The following CD28 variants were observed in gnomAD, a reference collection of about 807,000 sequenced individuals.
CD28 encodes the protein T-cell-specific surface glycoprotein CD28.
A neutral mutation model predicts 21.4 loss-of-function variants in CD28; 8 were observed. The ratio of observed to expected loss-of-function variants is 0.37; its 90% CI spans 0.22 to 0.68. CD28 has a LOEUF of 0.68. CD28 is among the 30% of genes least tolerant of loss of function. The pLI, the probability that CD28 is intolerant of heterozygous loss-of-function variation, is 0.55. For missense variants in CD28, 239 were observed against 272.2 expected (o/e 0.88, Z 0.86); for synonymous variants, 106 against 104.0 (o/e 1.02, Z -0.12).
At chr2:203,718,313 G>T (rs1331648246) in intron 1 of CD28, among the ~76,000 whole-genome samples, 1 of 152,132 alleles carries the variant, frequency 6.6e-6, no homozygotes, top group Non-Finnish European at 1.5e-5. Context: ...AGATGGTCAC[G>T]TGTTGAAGGG....
At chr2:203,711,926 T>G (rs1693324312) in intron 1 of CD28, among the ~76,000 whole-genome samples, 1 of 152,194 alleles carries the variant, frequency 6.6e-6, no homozygotes, top group Admixed American at 6.5e-5. Context: ...ATATGGTGCC[T>G]CACACCTGTA....
chr2:203,733,664 G>C (rs1347825316), intron 3 of CD28, among the ~76,000 whole-genome samples: 1 of 152,002 alleles, frequency 6.6e-6, no homozygotes, highest in Admixed American at 6.6e-5. Context: ...GGGAAGGAGT[G>C]ACAAGACAGG....
chr2:203,723,224 A>G (rs1477686653), intron 1 of CD28, among the ~76,000 whole-genome samples: 1 of 152,200 alleles, frequency 6.6e-6, no homozygotes, highest in African/African-American at 2.4e-5. Context: ...TACAAATCAC[A>G]TATCTGATAA....
At chr2:203,724,285 A>G (rs1217121692) in intron 1 of CD28, among the ~76,000 whole-genome samples, 8 of 152,172 alleles carry the variant, frequency 5.3e-5, no homozygotes, top group Non-Finnish European at 1.2e-4. Flanking sequence ...AGTAATGAAA[A>G]TGTTCTGGAA....
intron 3 of CD28, among the ~76,000 whole-genome samples, chr2:203,730,517 C>T (rs556821237): frequency 1.3e-5 from 2 of 152,272 alleles, no homozygotes; most frequent in South Asian, 4.1e-4. Flanking sequence ...TACTCAGAAA[C>T]TTCTTAGGTA....
chr2:203,711,290 A>T (rs553677308), intron 1 of CD28, among the ~76,000 whole-genome samples: 2 of 152,204 alleles, frequency 1.3e-5, no homozygotes, highest in Non-Finnish European at 2.9e-5. Context: ...GACTCCAAAC[A>T]CTAGAAGAGA....
At chr2:203,716,044 A>T (rs1213339952) in intron 1 of CD28, among the ~76,000 whole-genome samples, 1 of 152,182 alleles carries the variant, frequency 6.6e-6, no homozygotes, top group Non-Finnish European at 1.5e-5. Context: ...AGCAGCATGT[A>T]CCACAACATT....
chr2:203,727,830 C>T (rs961158124), intron 2 of CD28, among the ~76,000 whole-genome samples: 4 of 152,194 alleles, frequency 2.6e-5, no homozygotes, highest in Non-Finnish European at 5.9e-5. Flanking sequence ...CAGGTACCTG[C>T]CACCATGCCC....
Position 203,719,186 on chromosome 2 carries a change from A to G in CD28, c.53-7447A>G, listed in dbSNP as rs547943992. 2.6e-5 allele frequency among the ~76,000 whole-genome samples: 4 copies of G among 152,362 alleles called. No homozygotes were observed. The East Asian group carries it at 7.7e-4, about 29-fold the overall frequency. Reference sequence around the variant, plus strand: ...TCCTAGATGTCTAAATAAATAAATTACATCTTAGCTCTTCCATTATTTGTG... The same window carrying G: ...TCCTAGATGTCTAAATAAATAAATTGCATCTTAGCTCTTCCATTATTTGTG... On this transcript the variant is annotated intron_variant, in intron 1 of 3. Transcript: ENST00000324106.
Position 203,738,535 on chromosome 2 carries a change from A to C in CD28, c.*3623A>C, listed in dbSNP as rs1164371542. 6.6e-6 allele frequency: 1 copy of C among 152,164 alleles called. No homozygotes were observed. The highest frequency in any genetic ancestry group is 1.9e-4 in the East Asian group (1 of 5,200). The allele number at this position is 152,164 out of a possible 1,614,324, so 9.4% of individuals were successfully genotyped here. On this transcript the variant is annotated 3_prime_UTR_variant, in exon 4 of 4. Transcript: ENST00000324106. ...CTCAGAAAGTCTCTCTTTCCTATAG[A>C]TATATGCATACTTTCTGACATATAG...
At chr2:203,726,224 C>G (rs570721948) in intron 1 of CD28, among the ~76,000 whole-genome samples, 6 of 152,148 alleles carry the variant, frequency 3.9e-5, no homozygotes, top group African/African-American at 7.2e-5. Context: ...AACAAACAAA[C>G]AAAGAAACAG....
chr2:203,732,305 C>T (rs1693915425), intron 3 of CD28, among the ~76,000 whole-genome samples: 2 of 152,164 alleles, frequency 1.3e-5, no homozygotes, highest in South Asian at 4.1e-4. Context: ...CTGATGTTGA[C>T]ATTTGAGTAA....
chr2:203,716,673 C>A (rs771189451), intron 1 of CD28, among the ~76,000 whole-genome samples: 20 of 152,148 alleles, frequency 1.3e-4, no homozygotes, highest in Non-Finnish European at 2.1e-4. Context: ...AACTATCTGA[C>A]CTTTGACTTA....
At chr2:203,715,653 T>A (rs1032847277) in intron 1 of CD28, among the ~76,000 whole-genome samples, 2 of 152,172 alleles carry the variant, frequency 1.3e-5, no homozygotes, top group African/African-American at 2.4e-5. Flanking sequence ...CTTCCTAATG[T>A]ACATTTCTAT....
chr2:203,727,430 T>TTTCCTTCCTTCCTTCC (rs762878963), intron 2 of CD28, among the ~76,000 whole-genome samples: 7,654 of 98,648 alleles, frequency 0.078, 285 homozygotes, highest in Admixed American at 0.1. Flanking sequence ...CCATTTTCTT[T>TTTCCTTCCTTCCTTCC]TTCCTTCCTT....
chr2:203,727,684 TA>T (rs1369136429), intron 2 of CD28, among the ~76,000 whole-genome samples: 3 of 57,858 alleles, frequency 5.2e-5, no homozygotes, highest in African/African-American at 1.2e-4. Context: ...TTTAATTAAT[TA>T]ATTTTTTTTT....
intron 3 of CD28, among the ~76,000 whole-genome samples, chr2:203,731,550 G>A (rs1693889557): frequency 1.3e-5 from 2 of 152,334 alleles, no homozygotes; most frequent in Non-Finnish European, 2.9e-5. Context: ...GCAGAAAGTA[G>A]TTTTGGGAAT....
At position 203,738,137 on chromosome 2, in the gene CD28, C is replaced by T. The variant is rs1265122980; in HGVS notation, c.*3225C>T. On this transcript the variant is annotated 3_prime_UTR_variant, in exon 4 of 4. Coordinates refer to ENST00000324106, the MANE Select transcript of CD28 (RefSeq NM_006139.4). ...GTCAGGCTAGGCTTACCTATGTGTT[C>T]TGTGTCATGTGAATGCTGAGAAGTT... 1 of 152,200 alleles carries T rather than the reference C, an allele frequency of 6.6e-6. No individual in the cohort carries two copies. The highest frequency in any genetic ancestry group is 6.5e-5 in the Admixed American group (1 of 15,286). 9.4% of individuals were successfully genotyped at this position (152,200 alleles called of 1,614,324 possible). A position where few individuals can be genotyped will look rare whatever the true frequency, so the allele number is the denominator to read the frequency against.
chr2:203,709,142 CA>C (rs1222409811), intron 1 of CD28, among the ~76,000 whole-genome samples: 2 of 151,756 alleles, frequency 1.3e-5, no homozygotes, highest in Non-Finnish European at 2.9e-5. Flanking sequence ...GCATTCTAAT[CA>C]AATAGTGCAA....
Sources: allele counts gnomAD v4.1 joint callset (sites outside exome capture counted in the v4.1 genomes callset), GRCh38; gene constraint gnomAD v4.1.1; transcripts MANE v1.5; gene names NCBI Gene and HGNC (gene_info 2026-07-23, HGNC 2026-07-21).